Variants in MYT1L observed in about 807,000 individuals in gnomAD.
The protein encoded by MYT1L is myelin transcription factor 1-like protein.
A neutral mutation model predicts 126.7 loss-of-function variants in MYT1L; 12 were observed. That is an observed-to-expected ratio of 0.09 (90% CI 0.06 to 0.15). The LOEUF is 0.15. Ranked by LOEUF, MYT1L falls within the 10% of genes least tolerant of loss-of-function variation. The pLI is 1.00. For synonymous variants in MYT1L, 541 were observed against 604.2 expected (o/e 0.90, Z 1.53); for missense variants, 979 against 1,585.2 (o/e 0.62, Z 6.49).
intron 5 of MYT1L, among the ~76,000 whole-genome samples, chr2:1,982,247 TCCCCTGC>T (rs1215858924): frequency 6.6e-6 from 1 of 151,882 alleles, no homozygotes; most frequent in Non-Finnish European, 1.5e-5. Flanking sequence ...TTTCCCGGGG[TCCCCTGC>T]CCTTGTCACA....
chr2:1,894,960 C>T (rs2049390306), intron 14 of MYT1L, among the ~76,000 whole-genome samples: 1 of 152,224 alleles, frequency 6.6e-6, no homozygotes, highest in Non-Finnish European at 1.5e-5. Context: ...GGCTGCCCAA[C>T]GTCCACAAAG....
chr2:2,197,973 T>C (rs2092897789), intron 2 of MYT1L, among the ~76,000 whole-genome samples: 1 of 150,874 alleles, frequency 6.6e-6, no homozygotes. Context: ...TGTATAGGTA[T>C]AAATAACATA....
At chr2:2,250,068 T>A (rs1572841419) in intron 2 of MYT1L, among the ~76,000 whole-genome samples, 1 of 152,194 alleles carries the variant, frequency 6.6e-6, no homozygotes, top group African/African-American at 2.4e-5. Flanking sequence ...TATATACTCT[T>A]AGTGGAAATG....
At chr2:1,945,391 G>A (rs1440604535) in intron 8 of MYT1L, among the ~76,000 whole-genome samples, 1 of 152,150 alleles carries the variant, frequency 6.6e-6, no homozygotes, top group Non-Finnish European at 1.5e-5. Flanking sequence ...GCTGAGGAGG[G>A]TGCCCAGATC....
intron 2 of MYT1L, among the ~76,000 whole-genome samples, chr2:2,239,874 TTC>T (rs1559430534): frequency 1.5e-5 from 2 of 137,166 alleles, no homozygotes; most frequent in East Asian, 5.7e-4. Context: ...CTCTTGAGTC[TTC>T]TCTCTGCCCC....
rs180760476 is a variant in MYT1L at position 2,033,319 on chromosome 2, C to G, written c.-158+20659G>C. Among the ~76,000 whole-genome samples, 1,162 of 134,074 alleles carry G rather than the reference C, an allele frequency of 8.7e-3. 15 individuals carry two copies. Among genetic ancestry groups the G allele is most frequent in the African/African-American group, 0.031 (1,084 of 34,988 alleles). 88.0% of individuals were successfully genotyped at this position (134,074 alleles called of 152,430 possible). On this transcript the variant is annotated intron_variant, in intron 4 of 24. Transcript: ENST00000647738. ...GATTCTAGAAGGAGGGCCTTACACACACCCTCGCCAGTGCCTCTCATCCTG... is the reference window on the plus strand; with the variant it reads ...GATTCTAGAAGGAGGGCCTTACACAGACCCTCGCCAGTGCCTCTCATCCTG...
intron 8 of MYT1L, among the ~76,000 whole-genome samples, chr2:1,960,425 C>A (rs2058868665): frequency 6.6e-6 from 1 of 152,218 alleles, no homozygotes; most frequent in Non-Finnish European, 1.5e-5. Context: ...TAAAAGTATT[C>A]TAACTTCCAG....
intron 1 of MYT1L, among the ~76,000 whole-genome samples, chr2:2,286,828 C>T (rs557604675): frequency 1.3e-5 from 2 of 152,166 alleles, no homozygotes; most frequent in African/African-American, 4.8e-5. Context: ...GAAAGGCCAC[C>T]TGCAGAAGGC....
At chr2:2,006,374 A>T (rs2063330932) in intron 4 of MYT1L, among the ~76,000 whole-genome samples, 1 of 152,190 alleles carries the variant, frequency 6.6e-6, no homozygotes, top group African/African-American at 2.4e-5. Context: ...TTTTGTGACA[A>T]GAGCAGCTAA....
chr2:1,919,499 A>T (rs1214081291), intron 10 of MYT1L, among the ~76,000 whole-genome samples: 1 of 152,210 alleles, frequency 6.6e-6, no homozygotes, highest in Non-Finnish European at 1.5e-5. Flanking sequence ...GAGGTCCATG[A>T]TCCAGGCCTT....
At chr2:2,311,887 G>T (rs1260261879) in intron 1 of MYT1L, among the ~76,000 whole-genome samples, 1 of 152,202 alleles carries the variant, frequency 6.6e-6, no homozygotes, top group African/African-American at 2.4e-5. Flanking sequence ...TGCACAAACA[G>T]TTTGGGATTC....
chr2:1,836,123 A>G (rs570734922), intron 21 of MYT1L, among the ~76,000 whole-genome samples: 1 of 152,200 alleles, frequency 6.6e-6, no homozygotes, highest in East Asian at 1.9e-4. Flanking sequence ...CTTTCCAGAG[A>G]AGGGAGCTTC....
At chr2:1,894,597 A>G (rs2049338231) in intron 14 of MYT1L, among the ~76,000 whole-genome samples, 1 of 148,332 alleles carries the variant, frequency 6.7e-6, no homozygotes, top group South Asian at 2.1e-4. Context: ...TAGGAAAAAA[A>G]AAAACATTGC....
At chr2:2,272,575 C>A (rs1559516302) in intron 2 of MYT1L, among the ~76,000 whole-genome samples, 1 of 152,222 alleles carries the variant, frequency 6.6e-6, no homozygotes, top group Non-Finnish European at 1.5e-5. Flanking sequence ...CCGACAGGAA[C>A]AAAATAAACA....
chr2:1,880,427 T>C (rs998221657), intron 18 of MYT1L, among the ~76,000 whole-genome samples: 1 of 152,176 alleles, frequency 6.6e-6, no homozygotes, highest in Non-Finnish European at 1.5e-5. Flanking sequence ...GACCTCTGCC[T>C]CCCGGGTTCC....
chr2:2,095,554 G>A (rs1240156982), intron 3 of MYT1L, among the ~76,000 whole-genome samples: 9 of 152,176 alleles, frequency 5.9e-5, no homozygotes, highest in Admixed American at 3.3e-4. Flanking sequence ...GCCCCCACCT[G>A]TGGCCGCGGG....
chr2:2,004,706 C>CCTTTCCTGCGTGCCTT (rs368824738), intron 4 of MYT1L, among the ~76,000 whole-genome samples: 5 of 105,142 alleles, frequency 4.8e-5, no homozygotes, highest in South Asian at 3.4e-4. Flanking sequence ...TTCCTGTGTG[C>CCTTTCCTGCGTGCCTT]CTTTCCTGCG....
At chr2:1,934,433 C>A (rs914748049) in intron 9 of MYT1L, among the ~76,000 whole-genome samples, 1 of 151,846 alleles carries the variant, frequency 6.6e-6, no homozygotes, top group Non-Finnish European at 1.5e-5. Context: ...ACAGTGATTT[C>A]AATGCTGTCC....
intron 23 of MYT1L, among the ~76,000 whole-genome samples, chr2:1,797,763 A>G (rs2033899655): frequency 6.6e-6 from 1 of 152,228 alleles, no homozygotes; most frequent in South Asian, 2.1e-4. Context: ...TACCTTTCCA[A>G]GTTTTAGTAA....
Sources: gnomAD v4.1 joint callset for allele counts (sites outside exome capture counted in the v4.1 genomes callset) on GRCh38, gnomAD v4.1.1 for gene constraint, MANE v1.5 for transcripts, NCBI Gene and HGNC (gene_info 2026-07-23, HGNC 2026-07-21) for gene names.